Variants in XYLT1 observed in about 807,000 individuals in gnomAD.
XYLT1 encodes beta-D-xylosyltransferase 1.
Under a neutral mutation model 91.3 loss-of-function variants are expected in XYLT1, and 36 were observed. The ratio of observed to expected loss-of-function variants is 0.39; its 90% CI spans 0.30 to 0.52. The LOEUF is 0.52. Among genes scored for constraint, XYLT1 ranks in the 20% least tolerant of loss-of-function variants. The pLI is 0.68. For synonymous variants in XYLT1, 588 were observed against 532.0 expected, an observed-to-expected ratio of 1.11 and a Z score of -1.45; for missense variants, 1,242 against 1,284.5, an observed-to-expected ratio of 0.97 and a Z score of 0.51.
At chr16:17,207,178 C>A (rs1308111607) in intron 3 of XYLT1, among the ~76,000 whole-genome samples, 1 of 151,608 alleles carries the variant, frequency 6.6e-6, no homozygotes, top group Non-Finnish European at 1.5e-5. Context: ...CTGCCTCAGC[C>A]TCCTGAGTAG....
intron 2 of XYLT1, among the ~76,000 whole-genome samples, chr16:17,285,066 A>G (rs929507041): frequency 6.6e-6 from 1 of 152,192 alleles, no homozygotes; most frequent in African/African-American, 2.4e-5. Context: ...AGAGAGAGGA[A>G]GCAGGGGCAG....
chr16:17,299,519 C>T (rs927801673), intron 2 of XYLT1, among the ~76,000 whole-genome samples: 1 of 152,192 alleles, frequency 6.6e-6, no homozygotes, highest in African/African-American at 2.4e-5. Context: ...GCTTTAATTA[C>T]AGACGACGCT....
At chr16:17,173,081 T>A (rs1460685030) in intron 5 of XYLT1, among the ~76,000 whole-genome samples, 1 of 152,168 alleles carries the variant, frequency 6.6e-6, no homozygotes, top group African/African-American at 2.4e-5. Flanking sequence ...GTAACAAATG[T>A]CATCTGGGAT....
At chr16:17,210,991 T>A (rs936233826) in intron 3 of XYLT1, among the ~76,000 whole-genome samples, 18 of 152,250 alleles carry the variant, frequency 1.2e-4, no homozygotes, top group Admixed American at 6.5e-5. Context: ...TTTGTTTCAC[T>A]GATTTCTTCG....
chr16:17,117,534 T>C (rs1054355825), intron 11 of XYLT1, 112 bp downstream of exon 11: 9 of 1,169,028 alleles, frequency 7.7e-6, no homozygotes, highest in African/African-American at 4.7e-5. Context: ...AGTGCTGTTC[T>C]GTGAGGCCGC....
At chr16:17,377,175 T>TCACACACACACACACACACACACC (rs376242678) in intron 1 of XYLT1, among the ~76,000 whole-genome samples, 6 of 150,918 alleles carry the variant, frequency 4.0e-5, no homozygotes, top group African/African-American at 9.9e-5. Flanking sequence ...AGACTCTGCC[T>TCACACACACACACACACACACACC]CACACACACA....
intron 1 of XYLT1, among the ~76,000 whole-genome samples, chr16:17,382,688 G>C (rs1279317008): frequency 6.6e-6 from 1 of 151,794 alleles, no homozygotes; most frequent in Admixed American, 6.6e-5. Flanking sequence ...ATCTACGTTT[G>C]AGTCAACCAG....
chr16:17,278,324 C>T (rs542284974), intron 2 of XYLT1, among the ~76,000 whole-genome samples: 40 of 152,276 alleles, frequency 2.6e-4, no homozygotes, highest in Non-Finnish European at 2.1e-4. Flanking sequence ...TTGCAGAGAG[C>T]AAGCCGGCAG....
intron 1 of XYLT1, among the ~76,000 whole-genome samples, chr16:17,377,367 T>C (rs1177404258): frequency 6.6e-6 from 1 of 152,142 alleles, no homozygotes; most frequent in African/African-American, 2.4e-5. Context: ...ACTAACCCCC[T>C]GTCCTCAGCT....
intron 2 of XYLT1, among the ~76,000 whole-genome samples, chr16:17,267,041 A>T (rs965498304): frequency 6.6e-6 from 1 of 152,238 alleles, no homozygotes; most frequent in East Asian, 1.9e-4. Context: ...CCCTGCTTTA[A>T]CAGAACCCTA....
rs565612933 is a variant in XYLT1 at position 17,277,977 on chromosome 16, C to T, written c.403-18479G>A. ...GAGAGGAGCAACCAGCAAGAGAGGC[C>T]GGCTGCCTGGCTGACAGGTAAAAGC... On this transcript the variant is annotated intron_variant, in intron 2 of 11. Transcript: ENST00000261381. Among the ~76,000 whole-genome samples, 17 of 152,230 alleles carry T rather than the reference C, an allele frequency of 1.1e-4. 1 individual carries two copies. In the East Asian group the frequency reaches 2.7e-3, roughly 24 times the overall value.
chr16:17,183,456 T>C (rs1482527762), intron 5 of XYLT1, among the ~76,000 whole-genome samples: 1 of 152,162 alleles, frequency 6.6e-6, no homozygotes, highest in African/African-American at 2.4e-5. Flanking sequence ...CTCAGGTCCT[T>C]TCCTCTCTGC....
chr16:17,337,397 C>T lies in XYLT1; in HGVS notation c.402+20615G>A, dbSNP rs192167628. Among the ~76,000 whole-genome samples the T allele has an allele frequency of 2.3e-3, 347 of 152,304 alleles. 1 individual carries two copies. The highest frequency in any genetic ancestry group is 3.9e-3 in the Admixed American group (59 of 15,298). On this transcript the variant is annotated intron_variant, in intron 2 of 11. Transcript: ENST00000261381. ...AGGGGGTCTCACTGCATTGCCCAGG[C>T]TGGTCTCAAACTCTAGGGCTCAAGC...
chr16:17,314,897 G>A (rs762203667), intron 2 of XYLT1, among the ~76,000 whole-genome samples: 4 of 152,214 alleles, frequency 2.6e-5, no homozygotes, highest in Non-Finnish European at 5.9e-5. Flanking sequence ...TGTCAGGCAG[G>A]TGTGTAGGTG....
intron 2 of XYLT1, among the ~76,000 whole-genome samples, chr16:17,270,897 A>C (rs565943960): frequency 6.6e-6 from 1 of 152,270 alleles, no homozygotes; most frequent in South Asian, 2.1e-4. Flanking sequence ...CCGCAGAAAA[A>C]ATGAATGCCC....
intron 8 of XYLT1, among the ~76,000 whole-genome samples, chr16:17,136,908 C>G (rs77376776): frequency 6.6e-6 from 1 of 152,008 alleles, no homozygotes; most frequent in African/African-American, 2.4e-5. Context: ...GGAATCAGCA[C>G]GTGGAGGTTT....
Position 17,127,806 on chromosome 16 carries a change from A to G in XYLT1, c.2083T>C (p.Phe695Leu), listed in dbSNP as rs1340508384. ...SVHLYFLADR[F>L]QGFLIKHHAT... ...TGATGCTTGATCAGAAAGCCCTGGA[A>G]GCGGTCAGCAAGGAAGTAGAGGTGC... The change falls in exon 10 of 12, where the codon TTC becomes CTC. Residue 695 changes from phenylalanine to leucine, a missense_variant. By Grantham distance (22) the Phe-to-Leu change is conservative. Transcript: ENST00000261381. 1 of 1,614,020 alleles carries G rather than the reference A, an allele frequency of 6.2e-7. No homozygotes were observed. Among genetic ancestry groups the G allele is most frequent in the East Asian group, 2.2e-5 (1 of 44,874 alleles).
chr16:17,191,271 C>T (rs112013854), intron 5 of XYLT1, among the ~76,000 whole-genome samples: 2,348 of 152,276 alleles, frequency 0.015, 57 homozygotes, highest in African/African-American at 0.052. Context: ...GGTTGCTGTG[C>T]GGTCTTAACT....
At chr16:17,115,358 C>T (rs924309495) in intron 11 of XYLT1, among the ~76,000 whole-genome samples, 7 of 146,088 alleles carry the variant, frequency 4.8e-5, no homozygotes, top group African/African-American at 1.5e-4. Flanking sequence ...GTGGCACACT[C>T]GTGTAGTTTC....
Sources: gnomAD v4.1 joint callset for allele counts (sites outside exome capture counted in the v4.1 genomes callset) on GRCh38, gnomAD v4.1.1 for gene constraint, MANE v1.5 for transcripts, NCBI Gene and HGNC (gene_info 2026-07-23, HGNC 2026-07-21) for gene names.